The following SMURF1 variants were observed in gnomAD, a reference collection of about 807,000 sequenced individuals.
SMURF1 encodes the protein E3 ubiquitin-protein ligase SMURF1.
Under a neutral mutation model 98.0 loss-of-function variants are expected in SMURF1, and 44 were observed. The observed-to-expected ratio is 0.45, with a 90% CI of 0.35 to 0.58. The LOEUF is 0.58. SMURF1 is among the 20% of genes least tolerant of loss of function. The pLI, the probability that SMURF1 is intolerant of heterozygous loss-of-function variation, is 0.00. For synonymous variants in SMURF1, 396 were observed against 374.9 expected, an observed-to-expected ratio of 1.06 and a Z score of -0.65; for missense variants, 687 against 938.4, an observed-to-expected ratio of 0.73 and a Z score of 3.50.
intron 1 of SMURF1, among the ~76,000 whole-genome samples, chr7:99,068,482 G>T (rs538941257): frequency 6.6e-6 from 1 of 152,216 alleles, no homozygotes; most frequent in South Asian, 2.1e-4. Flanking sequence ...AAAAATCTCT[G>T]TAGAAACAAG....
intron 13 of SMURF1, 24 bp downstream of exon 13, chr7:99,040,354 G>A (rs947941227): frequency 1.4e-6 from 2 of 1,448,218 alleles, no homozygotes; most frequent in Admixed American, 2.6e-5. Flanking sequence ...TAAGCCAGGT[G>A]ACCGGCCGTC....
intron 1 of SMURF1, among the ~76,000 whole-genome samples, chr7:99,113,030 G>C (rs1429875113): frequency 6.6e-6 from 1 of 152,118 alleles, no homozygotes; most frequent in African/African-American, 2.4e-5. Flanking sequence ...TAAGAAGTCT[G>C]TGGAATACCA....
intron 2 of SMURF1, 92 bp downstream of exon 2, chr7:99,061,707 G>A: frequency 1.0e-6 from 1 of 981,150 alleles, no homozygotes; most frequent in Non-Finnish European, 1.5e-6. Context: ...GCAAAACTTT[G>A]AAGAGAATAT....
At chr7:99,099,185 G>A (rs944119792) in intron 1 of SMURF1, among the ~76,000 whole-genome samples, 19 of 151,834 alleles carry the variant, frequency 1.3e-4, no homozygotes, top group African/African-American at 3.6e-4. Flanking sequence ...TGCCCTGGAG[G>A]CAATGAGGAG....
chr7:99,057,144 A>G, intron 5 of SMURF1, 61 bp downstream of exon 5: 1 of 1,584,732 alleles, frequency 6.3e-7, no homozygotes, highest in Non-Finnish European at 8.7e-7. Context: ...GTTCTCGGCG[A>G]TGAAGGGTTG....
At chr7:99,053,558 A>C (rs1795811463) in intron 6 of SMURF1, among the ~76,000 whole-genome samples, 1 of 152,248 alleles carries the variant, frequency 6.6e-6, no homozygotes, top group African/African-American at 2.4e-5. Context: ...AATTGTTGAC[A>C]GGTTCTCCTT....
chr7:99,039,985 C>T (rs142319912), intron 13 of SMURF1, among the ~76,000 whole-genome samples: 4 of 152,328 alleles, frequency 2.6e-5, no homozygotes, highest in Admixed American at 1.3e-4. Flanking sequence ...CACCCCACAA[C>T]GGGCCTGGGG....
intron 1 of SMURF1, among the ~76,000 whole-genome samples, chr7:99,078,703 G>A (rs960329663): frequency 6.6e-5 from 10 of 152,330 alleles, no homozygotes; most frequent in African/African-American, 2.4e-4. Context: ...CTGCGCATGC[G>A]AGGGGTCTAG....
chr7:99,042,826 T>G (rs1795439247), intron 11 of SMURF1, among the ~76,000 whole-genome samples: 1 of 152,218 alleles, frequency 6.6e-6, no homozygotes, highest in Non-Finnish European at 1.5e-5. Flanking sequence ...CCAAATTTTA[T>G]TCTGGAATTT....
At chr7:99,052,909 C>T (rs1795794418) in intron 6 of SMURF1, among the ~76,000 whole-genome samples, 1 of 152,110 alleles carries the variant, frequency 6.6e-6, no homozygotes, top group Non-Finnish European at 1.5e-5. Context: ...ACTAAAAATA[C>T]AAAAATTAGC....
intron 1 of SMURF1, among the ~76,000 whole-genome samples, chr7:99,072,641 C>CA (rs1001688783): frequency 2.6e-5 from 4 of 151,528 alleles, no homozygotes; most frequent in Non-Finnish European, 5.9e-5. Context: ...AATTCTATGT[C>CA]AAAAAAAGAA....
At chr7:99,101,492 ATACCCTAC>A (rs148118274) in intron 1 of SMURF1, among the ~76,000 whole-genome samples, 4,825 of 152,362 alleles carry the variant, frequency 0.032, 251 homozygotes, top group African/African-American at 0.11. Context: ...CAGCAAAAAA[ATACCCTAC>A]CAGAGACATG....
Position 99,119,747 on chromosome 7 carries a change from G to A in SMURF1, c.55+23979C>T, listed in dbSNP as rs373451173. Reference sequence around the variant, plus strand: ...GGGGCCTTTGGGCACTGACAGGTAAGGGGGTTCTCTATATTGAAAGGAGCT... The same window carrying A: ...GGGGCCTTTGGGCACTGACAGGTAAAGGGGTTCTCTATATTGAAAGGAGCT... On this transcript the variant is annotated intron_variant, in intron 1 of 17. Coordinates refer to ENST00000361368, the MANE Select transcript of SMURF1 (RefSeq NM_181349.3). Among the ~76,000 whole-genome samples the A allele has an allele frequency of 9.8e-5, 15 of 152,302 alleles. No individual in the cohort carries two copies. The East Asian group carries it at 2.3e-3, about 24-fold the overall frequency.
chr7:99,089,727 T>C (rs1796769396), intron 1 of SMURF1, among the ~76,000 whole-genome samples: 1 of 152,232 alleles, frequency 6.6e-6, no homozygotes, highest in East Asian at 1.9e-4. Context: ...TGTTACACCA[T>C]TCATCAAAAT....
intron 15 of SMURF1, chr7:99,036,167 C>T (rs1188857381): frequency 1.0e-5 from 2 of 197,078 alleles, no homozygotes; most frequent in Non-Finnish European, 2.1e-5. Flanking sequence ...GGCATGTTTC[C>T]GCAATTGGCT....
intron 1 of SMURF1, among the ~76,000 whole-genome samples, chr7:99,094,828 C>CA (rs1191982810): frequency 6.6e-6 from 1 of 152,136 alleles, no homozygotes; most frequent in Non-Finnish European, 1.5e-5. Context: ...AAGTTTCATG[C>CA]AAAAAATTAT....
chr7:99,080,516 C>A (rs1796557103), intron 1 of SMURF1, among the ~76,000 whole-genome samples: 1 of 152,170 alleles, frequency 6.6e-6, no homozygotes, highest in Non-Finnish European at 1.5e-5. Context: ...TCAGGCTGGT[C>A]TTGAACTCCC....
At position 99,061,808 on chromosome 7, in the gene SMURF1, CT is replaced by C; in HGVS notation, c.84del (p.Asp29ThrfsTer26). On this transcript the variant is annotated frameshift_variant, in exon 2 of 18. Coordinates refer to ENST00000361368, the MANE Select transcript of SMURF1 (RefSeq NM_181349.3). LOFTEE classifies it high-confidence loss of function. ...TVLCAKNLAK[K>X]DFFRLPDPFA... is the part of the protein sequence containing the mutation. ...ATAAGTGTTTACTTACTGAAGAAGT[CT>C]TTCTTTGCAAGGTTCTTGGCACATA... 6.2e-7 allele frequency: 1 copy of C among 1,604,356 alleles called. No individual in the cohort carries two copies. Among genetic ancestry groups the C allele is most frequent in the Non-Finnish European group, 8.5e-7 (1 of 1,175,794 alleles).
intron 1 of SMURF1, among the ~76,000 whole-genome samples, chr7:99,122,496 T>G (rs141662594): frequency 6.6e-6 from 1 of 151,388 alleles, no homozygotes; most frequent in Non-Finnish European, 1.5e-5. Context: ...AATACAAAAT[T>G]AGCCAGGTGT....
Sources: gnomAD v4.1 joint callset for allele counts (sites outside exome capture counted in the v4.1 genomes callset) on GRCh38, gnomAD v4.1.1 for gene constraint, MANE v1.5 for transcripts, NCBI Gene and HGNC (gene_info 2026-07-23, HGNC 2026-07-21) for gene names.